Variants in PRKCH observed in about 807,000 individuals in gnomAD.
PRKCH encodes protein kinase C eta type.
In PRKCH, 28 loss-of-function variants were observed where a neutral mutation model predicts 82.5. The ratio of observed to expected loss-of-function variants is 0.34; its 90% CI spans 0.25 to 0.47. The LOEUF (loss-of-function observed/expected upper bound fraction) is 0.47, where lower values mean the gene tolerates loss of function less well. PRKCH is among the 20% of genes least tolerant of loss of function. PRKCH has a pLI of 1.00. For synonymous variants in PRKCH, 322 were observed against 327.4 expected (o/e 0.98, Z 0.18); for missense variants, 705 against 881.8 (o/e 0.80, Z 2.54).
Position 61,519,492 on chromosome 14 carries a change from T to C in PRKCH, c.1434-9583T>C, listed in dbSNP as rs1441295833. 2.6e-5 allele frequency among the ~76,000 whole-genome samples: 4 copies of C among 152,040 alleles called. No individual in the cohort carries two copies. In the East Asian group the frequency reaches 7.7e-4, roughly 29 times the overall value. ...ATCCCAGGTAGCTGCTGGGAGGAGG[T>C]ATGAGGGGGTAGTGGGGAAGAGCCT... On this transcript the variant is annotated intron_variant, in intron 10 of 13. Coordinates refer to ENST00000332981, the MANE Select transcript of PRKCH (RefSeq NM_006255.5).
At chr14:61,432,809 A>T (rs921233910) in intron 2 of PRKCH, among the ~76,000 whole-genome samples, 1 of 152,036 alleles carries the variant, frequency 6.6e-6, no homozygotes, top group Non-Finnish European at 1.5e-5. Flanking sequence ...CCTGGCCTCA[A>T]GTGATCCTCC....
intron 1 of PRKCH, among the ~76,000 whole-genome samples, chr14:61,373,217 G>T (rs1308800797): frequency 6.6e-6 from 1 of 151,906 alleles, no homozygotes; most frequent in Non-Finnish European, 1.5e-5. Flanking sequence ...TGAAGAAAGA[G>T]GTTTAATGGA....
At chr14:61,451,535 A>G (rs542722066) in intron 6 of PRKCH, among the ~76,000 whole-genome samples, 3 of 152,202 alleles carry the variant, frequency 2.0e-5, no homozygotes, top group Non-Finnish European at 4.4e-5. Flanking sequence ...GAATGAAGGA[A>G]GATAAAGCCT....
chr14:61,431,561 C>T (rs907810295), intron 2 of PRKCH, among the ~76,000 whole-genome samples: 2 of 150,980 alleles, frequency 1.3e-5, no homozygotes, highest in African/African-American at 2.4e-5. Context: ...CATATGGATT[C>T]GCTGCTGCTA....
chr14:61,304,497 G>A (rs897133267), intron 1 of PRKCH: 1 of 152,026 alleles, frequency 6.6e-6, no homozygotes, highest in African/African-American at 2.4e-5. Flanking sequence ...TTGTTTATCA[G>A]AAAATGTCTT....
In PRKCH at chr14:61,388,043, G is replaced by A. The variant is rs189608057; in HGVS notation, c.364-3182G>A. Among the ~76,000 whole-genome samples the A allele has an allele frequency of 1.9e-4, 29 of 152,020 alleles. 1 individual carries two copies. In the East Asian group the frequency reaches 5.2e-3, roughly 27 times the overall value. On this transcript the variant is annotated intron_variant, in intron 1 of 13. Coordinates refer to ENST00000332981, the MANE Select transcript of PRKCH (RefSeq NM_006255.5). ...TGTGCCTGTAGTCCCAGCTATGTGG[G>A]AGGCTGAGGCAGGAGAATCACTTGA...
chr14:61,490,811 G>A (rs2008914), intron 10 of PRKCH, among the ~76,000 whole-genome samples: 8 of 152,238 alleles, frequency 5.3e-5, no homozygotes, highest in East Asian at 3.9e-4. Context: ...CCAGCTACTC[G>A]GGAGGCTGAG....
Position 61,411,881 on chromosome 14 carries a change from C to T in PRKCH, c.427+20593C>T, listed in dbSNP as rs148408412. Among the ~76,000 whole-genome samples, 484 of 152,260 alleles carry T rather than the reference C, an allele frequency of 3.2e-3. 1 individual carries two copies. The highest frequency in any genetic ancestry group is 0.011 in the Admixed American group (168 of 15,306). ...AAGATAACTGTTTCTGGTGCTCACACGGGGCCAGAAATAGTGCTTCTGCCA... is the reference window on the plus strand; with the variant it reads ...AAGATAACTGTTTCTGGTGCTCACATGGGGCCAGAAATAGTGCTTCTGCCA... On this transcript the variant is annotated intron_variant, in intron 2 of 13. Transcript: ENST00000332981.
chr14:61,311,531 C>T (rs978996881), intron 1 of PRKCH, among the ~76,000 whole-genome samples: 1 of 152,198 alleles, frequency 6.6e-6, no homozygotes, highest in Admixed American at 6.5e-5. Context: ...TCTTCTGAGC[C>T]GTCCAAACTG....
chr14:61,487,502 G>A (rs558616591), intron 10 of PRKCH, among the ~76,000 whole-genome samples: 6 of 152,180 alleles, frequency 3.9e-5, no homozygotes, highest in African/African-American at 7.2e-5. Flanking sequence ...GTTAAGCGTC[G>A]TCCTCATGCT....
intron 9 of PRKCH, among the ~76,000 whole-genome samples, chr14:61,470,105 G>A (rs1885431693): frequency 6.6e-6 from 1 of 150,940 alleles, no homozygotes; most frequent in African/African-American, 2.4e-5. Flanking sequence ...AGAGTCTGGG[G>A]GGCTTGTCTG....
intron 2 of PRKCH, among the ~76,000 whole-genome samples, chr14:61,418,233 G>T (rs1375684088): frequency 6.6e-6 from 1 of 152,182 alleles, no homozygotes; most frequent in Non-Finnish European, 1.5e-5. Context: ...AGCATGTTTT[G>T]CATCTGACAG....
chr14:61,203,043 T>C (rs561589783), intron 1 of PRKCH, among the ~76,000 whole-genome samples: 1 of 152,046 alleles, frequency 6.6e-6, no homozygotes, highest in Non-Finnish European at 1.5e-5. Context: ...CCTAATTGAT[T>C]TTTTTAAAAT....
At chr14:61,300,305 A>G (rs2045439119) in intron 1 of PRKCH, among the ~76,000 whole-genome samples, 1 of 152,244 alleles carries the variant, frequency 6.6e-6, no homozygotes, top group Non-Finnish European at 1.5e-5. Flanking sequence ...AAAAATGTTT[A>G]AATCATCTTC....
intron 2 of PRKCH, among the ~76,000 whole-genome samples, chr14:61,409,282 G>A (rs1308294573): frequency 6.6e-6 from 1 of 152,174 alleles, no homozygotes; most frequent in Non-Finnish European, 1.5e-5. Flanking sequence ...CTCCAGGATA[G>A]CATGACCCAG....
Position 61,529,722 on chromosome 14 carries a change from A to C in PRKCH, c.1572+509A>C, listed in dbSNP as rs1226660681. Among the ~76,000 whole-genome samples, 7 of 118,206 alleles carry C rather than the reference A, an allele frequency of 5.9e-5. No homozygotes were observed. The East Asian group carries it at 1.8e-3, about 31-fold the overall frequency. 77.5% of individuals were successfully genotyped at this position (118,206 alleles called of 152,430 possible). On this transcript the variant is annotated intron_variant, in intron 11 of 13. Transcript: ENST00000332981. ...TTGAACGATGAGATCACATGGACAC[A>C]GGAAGGGGAATATCACACTCTGGGG...
At chr14:61,532,375 A>T (rs759865677) in intron 12 of PRKCH, among the ~76,000 whole-genome samples, 2 of 152,196 alleles carry the variant, frequency 1.3e-5, no homozygotes, top group Non-Finnish European at 2.9e-5. Flanking sequence ...TAAACACTGG[A>T]TTAGCAATCC....
chr14:61,358,853 T>G (rs1460411351), intron 1 of PRKCH, among the ~76,000 whole-genome samples: 2 of 152,154 alleles, frequency 1.3e-5, no homozygotes, highest in Non-Finnish European at 2.9e-5. Flanking sequence ...TTAGCGACAC[T>G]GCTTGGAATG....
chr14:61,248,468 G>A (rs1055962608), intron 1 of PRKCH, among the ~76,000 whole-genome samples: 1 of 152,190 alleles, frequency 6.6e-6, no homozygotes, highest in Non-Finnish European at 1.5e-5. Flanking sequence ...TGGAAGGGCA[G>A]ATGGAGGGGG....
Sources: gnomAD v4.1 joint callset for allele counts (sites outside exome capture counted in the v4.1 genomes callset) on GRCh38, gnomAD v4.1.1 for gene constraint, MANE v1.5 for transcripts, NCBI Gene and HGNC (gene_info 2026-07-23, HGNC 2026-07-21) for gene names.